Variants in MAPK8IP3 observed in about 807,000 individuals in gnomAD.
MAPK8IP3 encodes C-Jun-amino-terminal kinase-interacting protein 3.
In MAPK8IP3, 49 loss-of-function variants were observed where a neutral mutation model predicts 157.8. The ratio of observed to expected loss-of-function variants is 0.31; its 90% confidence interval spans 0.25 to 0.39. The LOEUF (loss-of-function observed/expected upper bound fraction) is 0.39. Among genes scored for constraint, MAPK8IP3 ranks in the 10% least tolerant of loss-of-function variants. MAPK8IP3 has a pLI of 1.00. For synonymous variants in MAPK8IP3, 897 were observed against 777.7 expected (o/e 1.15, Z -2.55); for missense variants, 1,478 against 1,889.4 (o/e 0.78, Z 4.04).
At position 1,768,928 on chromosome 16, in the gene MAPK8IP3, C is replaced by T. The variant is rs566226992; in HGVS notation, c.*104C>T. ...CCAGGCGCCGCCGCCCCTCTTCTAA[C>T]CTCTCAACCTGCAGCTTTCACCTGA... On this transcript the variant is annotated 3_prime_UTR_variant, in exon 32 of 32. Transcript: ENST00000610761. 92 of 1,340,172 alleles carry T rather than the reference C, an allele frequency of 6.9e-5. No homozygotes were observed. Among genetic ancestry groups the T allele is most frequent in the Middle Eastern group, 2.4e-4 (1 of 4,196 alleles). The allele number at this position is 1,340,172 out of a possible 1,614,324, so 83.0% of individuals were successfully genotyped here. A position where few individuals can be genotyped will look rare whatever the true frequency, so the allele number is the denominator to read the frequency against.
chr16:1,767,675 G>T lies in MAPK8IP3; in HGVS notation c.3349G>T (p.Ala1117Ser), dbSNP rs200350580. ...GGACTCCACCCTGAGGCTCTACCAT[G>T]CACACACGCACCAGCATCTACAGGA... ...RLDSTLRLYH[A>S]HTHQHLQDVD... Residue 1117 changes from alanine (A) to serine (S), a missense_variant, in exon 27 of 32, where the codon GCA (alanine) becomes TCA (serine). By Grantham distance (99) the Ala-to-Ser change is moderately conservative (BLOSUM62 1). Coordinates refer to ENST00000610761, the MANE Select transcript of MAPK8IP3 (RefSeq NM_001318852.2). 2 of 1,612,660 alleles carry T rather than the reference G, an allele frequency of 1.2e-6. No individual in the cohort carries two copies. The highest frequency in any genetic ancestry group is 2.2e-5 in the South Asian group (2 of 91,082).
At chr16:1,727,169 G>A (rs1396596949) in intron 2 of MAPK8IP3, among the ~76,000 whole-genome samples, 1 of 151,324 alleles carries the variant, frequency 6.6e-6, no homozygotes, top group Non-Finnish European at 1.5e-5. Context: ...GAGGGTCTGT[G>A]AGTGTCGTGT....
rs1185092646 is a variant in MAPK8IP3, at chr16:1,769,846, CAG to C, written c.*1027_*1028del. The C allele has an allele frequency of 2.6e-5, 4 of 152,304 alleles. No individual in the cohort carries two copies. Among genetic ancestry groups the C allele is most frequent in the Non-Finnish European group, 4.4e-5 (3 of 68,088 alleles). 9.4% of individuals were successfully genotyped at this position (152,304 alleles called of 1,614,324 possible). A position where few individuals can be genotyped will look rare whatever the true frequency, so the allele number is the denominator to read the frequency against. On this transcript the variant is annotated 3_prime_UTR_variant, in exon 32 of 32. Transcript: ENST00000610761. ...GCTGTGGCCTGCTTCCAGGGAGCAACAGAGAGGCCACCAAGCAGAGGCCCGTG... is the reference window on the plus strand; with the variant it reads ...GCTGTGGCCTGCTTCCAGGGAGCAACAGAGGCCACCAAGCAGAGGCCCGTG...
chr16:1,759,649 G>C (rs1378972005), intron 10 of MAPK8IP3, among the ~76,000 whole-genome samples: 1 of 152,222 alleles, frequency 6.6e-6, no homozygotes, highest in Non-Finnish European at 1.5e-5. Context: ...GAGAGGGCCT[G>C]CCTGGTGACA....
Position 1,766,224 on chromosome 16 carries a change from G to T in MAPK8IP3, c.2634G>T (p.Glu878Asp). ...DTPVLDKGQG[E>D]VATIANGKVN... ...AGCTCACCTCTCCTAACACAGGGGA[G>T]GTGGCCACCATCGCCAACGGGAAGG... The change falls in exon 22 of 32, where the codon GAG becomes GAT. Residue 878 changes from glutamate to aspartate, a missense_variant. Physicochemically the swap from Glu to Asp is conservative, Grantham distance 45. Coordinates refer to ENST00000610761, the MANE Select transcript of MAPK8IP3 (RefSeq NM_001318852.2). 1 of 1,609,174 alleles carries T rather than the reference G, an allele frequency of 6.2e-7. No homozygotes were observed. The highest frequency in any genetic ancestry group is 8.5e-7 in the Non-Finnish European group (1 of 1,177,830).
At chr16:1,735,716 CGT>C (rs1362192742) in intron 4 of MAPK8IP3, among the ~76,000 whole-genome samples, 3 of 113,664 alleles carry the variant, frequency 2.6e-5, no homozygotes, top group East Asian at 3.2e-4. Flanking sequence ...TGTGAGCATC[CGT>C]GTGACCGTCC....
intron 8 of MAPK8IP3, among the ~76,000 whole-genome samples, chr16:1,756,572 C>G (rs1331630149): frequency 6.7e-6 from 1 of 149,652 alleles, no homozygotes; most frequent in Non-Finnish European, 1.5e-5. Flanking sequence ...TGCTTGAGCC[C>G]AGGAGTTGAA....
intron 4 of MAPK8IP3, among the ~76,000 whole-genome samples, chr16:1,740,211 A>C (rs185828654): frequency 7.8e-6 from 1 of 128,844 alleles, no homozygotes; most frequent in African/African-American, 3.1e-5. Flanking sequence ...CGTCCGTGTG[A>C]GCTTCCGTGT....
rs752447158 is a variant in MAPK8IP3, at chr16:1,765,042, C to T, written c.2310C>T (p.Thr770=). Residue 770 remains threonine (T), a synonymous_variant, in exon 20 of 32, where the codon ACC becomes ACT. Coordinates refer to ENST00000610761, the MANE Select transcript of MAPK8IP3 (RefSeq NM_001318852.2). ...KAKELPEMDA[T]SSRVWILTST... is the part of the protein sequence containing the mutation. ...AGGAGCTCCCTGAAATGGACGCCAC[C>T]TCCAGCCGGGTGTGGATCCTGACCA... 1.2e-6 allele frequency: 2 copies of T among 1,610,900 alleles called. No homozygotes were observed. Among genetic ancestry groups the T allele is most frequent in the Non-Finnish European group, 1.7e-6 (2 of 1,178,380 alleles).
rs1457631447 is a variant in MAPK8IP3 at position 1,756,703 on chromosome 16, A to G, written c.1217-1445A>G. Among the ~76,000 whole-genome samples, 3 of 151,376 alleles carry G rather than the reference A, an allele frequency of 2.0e-5. No individual in the cohort carries two copies. The East Asian group carries it at 5.8e-4, about 29-fold the overall frequency. ...CGGGCGTGGTGGCATGTACCTGTAG[A>G]CTCAGCTACTCAGGAGGCTGAGGTG... On this transcript the variant is annotated intron_variant, in intron 8 of 31. Transcript: ENST00000610761.
At chr16:1,759,455 G>A (rs1264552585) in intron 10 of MAPK8IP3, among the ~76,000 whole-genome samples, 1 of 152,152 alleles carries the variant, frequency 6.6e-6, no homozygotes, top group Non-Finnish European at 1.5e-5. Flanking sequence ...AGGGAGATCA[G>A]TCCAGGTCCA....
intron 9 of MAPK8IP3, among the ~76,000 whole-genome samples, chr16:1,758,430 G>A (rs930052014): frequency 2.0e-5 from 3 of 152,176 alleles, no homozygotes; most frequent in East Asian, 1.9e-4. Flanking sequence ...CCTAAGCCAC[G>A]CACGGCAGTG....
At chr16:1,729,296 TC>T (rs2039127464) in intron 3 of MAPK8IP3, 88 bp downstream of exon 3, 2 of 1,465,902 alleles carry the variant, frequency 1.4e-6, no homozygotes, top group Admixed American at 3.4e-5. Context: ...GTGGTTTTCT[TC>T]CCTGGCATGT....
chr16:1,759,781 C>A (rs1275649349), intron 10 of MAPK8IP3, among the ~76,000 whole-genome samples, 177 bp from the exon 11 acceptor site: 1 of 152,254 alleles, frequency 6.6e-6, no homozygotes, highest in East Asian at 1.9e-4. Flanking sequence ...CTGCTCTGTG[C>A]ACAGACTGCG....
rs2040649368 is a variant in MAPK8IP3 at position 1,741,101 on chromosome 16, C to A, written c.603-2231C>A. ...AGGGCCCCTCTCTGCATCAGTCGGA[C>A]CTGGACTCATAGCCCAGCTCCCTCA... On this transcript the variant is annotated intron_variant, in intron 4 of 31. Transcript: ENST00000610761. This position sits in a 1 kb window ranked among gnomAD's most constrained non-coding sequence, Gnocchi z 6.9. Among the ~76,000 whole-genome samples, 1 of 152,140 alleles carries A rather than the reference C, an allele frequency of 6.6e-6. No homozygotes were observed. The highest frequency in any genetic ancestry group is 1.9e-4 in the East Asian group (1 of 5,190).
At position 1,762,479 on chromosome 16, in the gene MAPK8IP3, C is replaced by T. The variant is rs1193170601; in HGVS notation, c.1668C>T (p.Ile556=). ...LQEAVRWTEM[I]RASREHPSVQ... is the part of the protein sequence containing the mutation. ...AGGCTGTGCGGTGGACTGAGATGAT[C>T]AGGTGGGAGTTGCGGCCACCCCAGG... The change falls in exon 14 of 32, where the codon ATC becomes ATT. Residue 556 remains isoleucine (I), a splice_region_variant and synonymous_variant. Transcript: ENST00000610761. The T allele has an allele frequency of 1.9e-6, 3 of 1,611,512 alleles. No homozygotes were observed. Among genetic ancestry groups the T allele is most frequent in the Non-Finnish European group, 2.5e-6 (3 of 1,179,128 alleles).
intron 2 of MAPK8IP3, among the ~76,000 whole-genome samples, chr16:1,728,875 GC>G (rs1207543472): frequency 7.0e-6 from 1 of 142,206 alleles, no homozygotes; most frequent in Non-Finnish European, 1.5e-5. Context: ...CCCCCAGACG[GC>G]CTTCACAGAG....
chr16:1,750,864 T>G (rs2041248788), intron 8 of MAPK8IP3, among the ~76,000 whole-genome samples: 1 of 151,932 alleles, frequency 6.6e-6, no homozygotes, highest in Non-Finnish European at 1.5e-5. Flanking sequence ...CAGGCTGGTT[T>G]TGATCTCCTG....
rs200598715 is a variant in MAPK8IP3, at chr16:1,737,013, TGA to T, written c.603-6315_603-6314del. Among the ~76,000 whole-genome samples the T allele has an allele frequency of 9.1e-3, 642 of 70,478 alleles. 33 individuals are homozygous for T. Among genetic ancestry groups the T allele is most frequent in the South Asian group, 0.012 (11 of 942 alleles). The allele number at this position is 70,478 out of a possible 152,430, so 46.2% of individuals were successfully genotyped here. A position where few individuals can be genotyped will look rare whatever the true frequency, so the allele number is the denominator to read the frequency against. On this transcript the variant is annotated intron_variant, in intron 4 of 31. Transcript: ENST00000610761. ...CCGTGTGAGCGTGTGACCGTCCGTG[TGA>T]GAGTGTGACCATCCATGTGAGCATC... is the stretch of plus-strand genomic sequence containing the variant.
Sources: gnomAD v4.1 joint callset for allele counts (sites outside exome capture counted in the v4.1 genomes callset) on GRCh38, gnomAD v4.1.1 for gene constraint, Gnocchi (gnomAD v3.1) non-coding constraint, MANE v1.5 for transcripts, NCBI Gene and HGNC (gene_info 2026-07-23, HGNC 2026-07-21) for gene names.